Variants in FBXO42 observed in about 807,000 individuals in gnomAD.
FBXO42 encodes F-box protein 42.
FBXO42 carries 12 observed loss-of-function variants against 71.7 expected under a neutral mutation model. The ratio of observed to expected loss-of-function variants is 0.17; its 90% confidence interval spans 0.11 to 0.27. The LOEUF is 0.27. Ranked by LOEUF, FBXO42 falls within the 10% of genes least tolerant of loss-of-function variation. The pLI, the probability that FBXO42 is intolerant of heterozygous loss-of-function variation, is 1.00. For missense variants in FBXO42, 707 were observed against 911.9 expected (o/e 0.78, Z 2.89); for synonymous variants, 325 against 327.5 (o/e 0.99, Z 0.08).
chr1:16,332,100 T>A (rs2082506521), intron 1 of FBXO42, among the ~76,000 whole-genome samples: 1 of 152,056 alleles, frequency 6.6e-6, no homozygotes, highest in Admixed American at 6.6e-5. Flanking sequence ...GCTGGTTATA[T>A]CTCATTAGCT....
chr1:16,302,511 A>AC (rs2082205507), intron 3 of FBXO42, among the ~76,000 whole-genome samples: 1 of 151,968 alleles, frequency 6.6e-6, no homozygotes, highest in South Asian at 2.1e-4. Context: ...GGAAACTGCC[A>AC]CCTTTTTTTC....
At chr1:16,253,191 C>G in intron 7 of FBXO42, 39 bp from the exon 8 acceptor site, 1 of 1,585,614 alleles carries the variant, frequency 6.3e-7, no homozygotes, top group Non-Finnish European at 8.6e-7. Flanking sequence ...CCTACAAAGA[C>G]ACAGGTTTCT....
rs1557568007 is a variant in FBXO42 at position 16,252,623 on chromosome 1, G to A, written c.922-219C>T. On this transcript the variant is annotated intron_variant, in intron 8 of 9. Transcript: ENST00000375592. This position sits in a 1 kb window ranked among gnomAD's most constrained non-coding sequence, Gnocchi z 4.4. ...CCACTGGCTTAGCACATGGAATTGT[G>A]CTTGTGACCCATGAATCAACTGAGT... is the stretch of plus-strand genomic sequence containing the variant. Among the ~76,000 whole-genome samples the A allele has an allele frequency of 6.6e-6, 1 of 152,168 alleles. No individual in the cohort carries two copies.
intron 4 of FBXO42, among the ~76,000 whole-genome samples, chr1:16,287,019 C>G (rs1002512134): frequency 6.6e-6 from 1 of 152,176 alleles, no homozygotes; most frequent in Non-Finnish European, 1.5e-5. Flanking sequence ...CATACTTGCC[C>G]TCTTCTCAGA....
intron 4 of FBXO42, chr1:16,292,323 CTTT>C (rs2082087384): frequency 6.6e-6 from 1 of 152,102 alleles, no homozygotes; most frequent in Admixed American, 6.6e-5. Flanking sequence ...CTTTCTCTTT[CTTT>C]GTTTCTTTTT....
At chr1:16,320,526 T>C (rs987360491) in intron 1 of FBXO42, among the ~76,000 whole-genome samples, 1 of 151,986 alleles carries the variant, frequency 6.6e-6, no homozygotes, top group African/African-American at 2.4e-5. Context: ...TTTTTTGAGA[T>C]AGGGTCTCAC....
chr1:16,311,501 AAAATATATATAT>A (rs1166708994), intron 2 of FBXO42, among the ~76,000 whole-genome samples: 3 of 62,368 alleles, frequency 4.8e-5, no homozygotes, highest in Non-Finnish European at 1.1e-4. Context: ...AAAAAAAAAA[AAAATATATATAT>A]ATATATATAT....
rs1421455500 is a variant in FBXO42, at chr1:16,282,051, T to A, written c.502+12732A>T. Among the ~76,000 whole-genome samples, 4 of 151,892 alleles carry A rather than the reference T, an allele frequency of 2.6e-5. No homozygotes were observed. The East Asian group carries it at 7.8e-4, about 29-fold the overall frequency. ...CACTGAGAGCACAGAGTGGCTATGT[T>A]GCTTCCTAATGATAGCTGAGGAATC... On this transcript the variant is annotated intron_variant, in intron 4 of 9. Transcript: ENST00000375592.
chr1:16,283,536 C>T (rs904853040), intron 4 of FBXO42, among the ~76,000 whole-genome samples: 28 of 110,182 alleles, frequency 2.5e-4, no homozygotes, highest in African/African-American at 2.2e-4. Flanking sequence ...CTCGCTCTGT[C>T]GCCCAGGCTG....
At chr1:16,301,481 G>T (rs1240549494) in intron 3 of FBXO42, among the ~76,000 whole-genome samples, 1 of 151,610 alleles carries the variant, frequency 6.6e-6, no homozygotes, top group African/African-American at 2.4e-5. Flanking sequence ...TGGGCAATAG[G>T]GCGAAACCCC....
At chr1:16,266,522 A>G (rs2081775479) in intron 4 of FBXO42, among the ~76,000 whole-genome samples, 1 of 152,212 alleles carries the variant, frequency 6.6e-6, no homozygotes, top group Non-Finnish European at 1.5e-5. Flanking sequence ...CACAGGCAGT[A>G]TACCAGTCCT....
chr1:16,295,433 C>G (rs1005262282), intron 3 of FBXO42, among the ~76,000 whole-genome samples: 4 of 151,988 alleles, frequency 2.6e-5, no homozygotes, highest in Middle Eastern at 3.2e-3. Flanking sequence ...CTCTGTCAGC[C>G]AGGCTGGAGT....
At chr1:16,318,454 C>T (rs1322795384) in intron 1 of FBXO42, among the ~76,000 whole-genome samples, 1 of 152,062 alleles carries the variant, frequency 6.6e-6, no homozygotes, top group Non-Finnish European at 1.5e-5. Context: ...AAGCCATTAT[C>T]AGCAGTTACT....
intron 1 of FBXO42, among the ~76,000 whole-genome samples, chr1:16,333,148 C>T (rs530343012): frequency 6.6e-6 from 1 of 152,216 alleles, no homozygotes; most frequent in Admixed American, 6.6e-5. Flanking sequence ...ATTCCTCTGA[C>T]CTTCTATTCA....
At chr1:16,331,053 G>A (rs192196861) in intron 1 of FBXO42, among the ~76,000 whole-genome samples, 2,080 of 152,044 alleles carry the variant, frequency 0.014, 25 homozygotes, top group Non-Finnish European at 0.019. Flanking sequence ...CCAGGAGGCG[G>A]AGGTTGCAGT....
At chr1:16,265,434 A>ATTATTT (rs2081761013) in intron 4 of FBXO42, among the ~76,000 whole-genome samples, 2 of 152,260 alleles carry the variant, frequency 1.3e-5, no homozygotes, top group South Asian at 4.1e-4. Context: ...ATTTTTTAGT[A>ATTATTT]TTAGTTTATT....
At chr1:16,311,527 T>TATATAC (rs1388822394) in intron 2 of FBXO42, among the ~76,000 whole-genome samples, 22 of 138,554 alleles carry the variant, frequency 1.6e-4, no homozygotes, top group African/African-American at 4.7e-4. Context: ...TATATATATA[T>TATATAC]ACATATGTAT....
At chr1:16,317,423 C>CAAAA (rs893545569) in intron 1 of FBXO42, among the ~76,000 whole-genome samples, 1 of 150,936 alleles carries the variant, frequency 6.6e-6, no homozygotes, top group African/African-American at 2.4e-5. Context: ...AACAAACAAA[C>CAAAA]AAACAAACAA....
chr1:16,291,115 G>A (rs2082072701), intron 4 of FBXO42, among the ~76,000 whole-genome samples: 1 of 152,092 alleles, frequency 6.6e-6, no homozygotes, highest in African/African-American at 2.4e-5. Flanking sequence ...TTACCTTCCT[G>A]TACATACTCT....
Sources: allele counts gnomAD v4.1 joint callset (sites outside exome capture counted in the v4.1 genomes callset), GRCh38; gene constraint gnomAD v4.1.1; non-coding constraint Gnocchi (gnomAD v3.1); transcripts MANE v1.5; gene names NCBI Gene and HGNC (gene_info 2026-07-23, HGNC 2026-07-21).